The following TRDN variants were observed in gnomAD, a reference collection of about 807,000 sequenced individuals.
TRDN encodes triadin in skeletal muscle.
In TRDN, 161 loss-of-function variants were observed where a neutral mutation model predicts 149.7. That is an observed-to-expected ratio of 1.08 (90% CI 0.95 to 1.23). The LOEUF is 1.23. TRDN is among the 50% of genes most tolerant of loss of function. The pLI is 0.00. For synonymous variants in TRDN, 294 were observed against 250.5 expected (o/e 1.17, Z -1.64); for missense variants, 896 against 823.5 (o/e 1.09, Z -1.08).
chr6:123,622,760 CAACTT>C (rs1785464837), intron 1 of TRDN, among the ~76,000 whole-genome samples: 2 of 152,044 alleles, frequency 1.3e-5, no homozygotes, highest in African/African-American at 4.8e-5. Flanking sequence ...TATTACCTAA[CAACTT>C]AATTTTAAGC....
chr6:123,577,859 G>A (rs113122603), intron 1 of TRDN, among the ~76,000 whole-genome samples: 31,274 of 152,002 alleles, frequency 0.21, 4,045 homozygotes, highest in East Asian at 0.5. Context: ...TCTCATTGTA[G>A]TTTTCATTTG....
At chr6:123,538,543 C>T (rs1780665041) in intron 4 of TRDN, among the ~76,000 whole-genome samples, 1 of 152,072 alleles carries the variant, frequency 6.6e-6, no homozygotes, top group Non-Finnish European at 1.5e-5. Flanking sequence ...ATACTCTCTC[C>T]CCCTTGAAGC....
chr6:123,259,687 A>G (rs1562234293), intron 34 of TRDN, 25 bp from the exon 35 acceptor site: 1 of 1,444,254 alleles, frequency 6.9e-7, no homozygotes, highest in Non-Finnish European at 9.3e-7. Context: ...AACAACAAGA[A>G]ACCATCATTT....
At chr6:123,529,153 A>C in intron 5 of TRDN, 1 of 1,537,176 alleles carries the variant, frequency 6.5e-7, no homozygotes, top group Non-Finnish European at 8.8e-7. Context: ...TTAATAGCAC[A>C]GTCTGCAAGA....
At chr6:123,424,250 T>G (rs1435693039) in intron 12 of TRDN, among the ~76,000 whole-genome samples, 3 of 152,132 alleles carry the variant, frequency 2.0e-5, no homozygotes, top group Non-Finnish European at 4.4e-5. Flanking sequence ...TAACCTGCAG[T>G]CTTTAACTCC....
intron 9 of TRDN, among the ~76,000 whole-genome samples, chr6:123,482,216 G>C (rs1405911003): frequency 6.6e-6 from 1 of 152,116 alleles, no homozygotes; most frequent in Non-Finnish European, 1.5e-5. Context: ...CTCAGAAGGA[G>C]AAAAAAGAAC....
Position 123,464,985 on chromosome 6 carries a change from T to C in TRDN, c.854-2A>G. The C allele has an allele frequency of 6.3e-7, 1 of 1,585,258 alleles. No homozygotes were observed. Among genetic ancestry groups the C allele is most frequent in the Non-Finnish European group, 8.6e-7 (1 of 1,165,106 alleles). On this transcript the variant is annotated splice_acceptor_variant, in intron 9 of 40. Transcript: ENST00000334268. LOFTEE classifies it high-confidence loss of function. Reference sequence around the variant, plus strand: ...GAGGTGGAATGGCTGGGCTTTGTCCTACACAATGTAGAAGTAGGAATTGGA... The same window carrying C: ...GAGGTGGAATGGCTGGGCTTTGTCCCACACAATGTAGAAGTAGGAATTGGA...
intron 1 of TRDN, among the ~76,000 whole-genome samples, chr6:123,588,185 G>T (rs535259009): frequency 1.3e-5 from 2 of 152,164 alleles, no homozygotes; most frequent in African/African-American, 4.8e-5. Context: ...TAGATTTTCC[G>T]CAAGAGACAG....
At chr6:123,608,873 G>GA (rs555766848) in intron 1 of TRDN, among the ~76,000 whole-genome samples, 21 of 149,438 alleles carry the variant, frequency 1.4e-4, no homozygotes, top group Admixed American at 3.4e-4. Context: ...TTATACTCAT[G>GA]AAAAAAAAAT....
At chr6:123,298,776 A>G (rs1778300802) in intron 24 of TRDN, among the ~76,000 whole-genome samples, 1 of 152,062 alleles carries the variant, frequency 6.6e-6, no homozygotes, top group Non-Finnish European at 1.5e-5. Flanking sequence ...AAAAAAGAGA[A>G]TTACTCTGCA....
intron 23 of TRDN, among the ~76,000 whole-genome samples, chr6:123,318,916 G>C (rs1274529292): frequency 6.6e-6 from 1 of 152,018 alleles, no homozygotes; most frequent in Non-Finnish European, 1.5e-5. Flanking sequence ...CCTCTTACTA[G>C]AATAGAACTA....
chr6:123,241,193 A>C (rs1418358682), intron 38 of TRDN, among the ~76,000 whole-genome samples: 1 of 151,298 alleles, frequency 6.6e-6, no homozygotes, highest in East Asian at 2.0e-4. Context: ...ATTACTGAAA[A>C]TTTTCAATTT....
intron 9 of TRDN, among the ~76,000 whole-genome samples, chr6:123,467,582 T>C (rs1776906793): frequency 6.6e-6 from 1 of 152,032 alleles, no homozygotes; most frequent in Non-Finnish European, 1.5e-5. Context: ...GTCTCCATGG[T>C]GACAGTGATA....
intron 35 of TRDN, among the ~76,000 whole-genome samples, chr6:123,258,626 G>T (rs566341346): frequency 6.6e-6 from 1 of 152,082 alleles, no homozygotes; most frequent in African/African-American, 2.4e-5. Context: ...GCCAGGTTTT[G>T]GTGTAAGGTT....
chr6:123,551,216 A>G (rs1464893804), intron 2 of TRDN, among the ~76,000 whole-genome samples: 1 of 143,352 alleles, frequency 7.0e-6, no homozygotes, highest in Non-Finnish European at 1.5e-5. Flanking sequence ...ATATATATAT[A>G]TATATATTGC....
At chr6:123,423,189 G>T (rs183994179) in intron 12 of TRDN, among the ~76,000 whole-genome samples, 19 of 152,132 alleles carry the variant, frequency 1.2e-4, no homozygotes, top group Admixed American at 3.9e-4. Context: ...TTAAAGCTCA[G>T]AATAAAATTA....
intron 10 of TRDN, among the ~76,000 whole-genome samples, chr6:123,446,652 G>A (rs1305912463): frequency 1.3e-5 from 2 of 151,494 alleles, no homozygotes; most frequent in East Asian, 3.9e-4. Context: ...GACTCAGGAG[G>A]GGAGTGTTGA....
At chr6:123,332,477 G>A (rs1258679982) in intron 22 of TRDN, among the ~76,000 whole-genome samples, 1 of 151,962 alleles carries the variant, frequency 6.6e-6, no homozygotes, top group African/African-American at 2.4e-5. Flanking sequence ...CAAAATGAAG[G>A]CCTTGGTTGA....
chr6:123,242,160 T>C (rs1313077338), intron 38 of TRDN, among the ~76,000 whole-genome samples: 1 of 152,174 alleles, frequency 6.6e-6, no homozygotes, highest in African/African-American at 2.4e-5. Context: ...ATTGTTTGCC[T>C]TTTAAGAATG....
Sources: gnomAD v4.1 joint callset for allele counts (sites outside exome capture counted in the v4.1 genomes callset) on GRCh38, gnomAD v4.1.1 for gene constraint, MANE v1.5 for transcripts, NCBI Gene and HGNC (gene_info 2026-07-23, HGNC 2026-07-21) for gene names.